Variants in TMEM45B observed in about 807,000 individuals in gnomAD.
TMEM45B encodes the protein transmembrane protein 45B.
A neutral mutation model predicts 27.3 loss-of-function variants in TMEM45B; 29 were observed. The ratio of observed to expected loss-of-function variants is 1.06; its 90% CI spans 0.79 to 1.45. The LOEUF (loss-of-function observed/expected upper bound fraction) is 1.45. Ranked by LOEUF, TMEM45B falls within the 40% of genes most tolerant of loss-of-function variation. The probability of loss-of-function intolerance (pLI) is 0.00; values close to 1 mark genes in which losing one functional copy is unlikely to be tolerated. For synonymous variants in TMEM45B, 143 were observed against 134.7 expected (o/e 1.06, Z -0.43); for missense variants, 348 against 343.9 (o/e 1.01, Z -0.09).
rs11221883 is a variant in TMEM45B, at chr11:129,856,849, G to C, written c.571-464G>C. Among the ~76,000 whole-genome samples the C allele has an allele frequency of 6.5e-5, 9 of 138,740 alleles. No homozygotes were observed. In the East Asian group the frequency reaches 1.8e-3, roughly 28 times the overall value. The allele number at this position is 138,740 out of a possible 152,430, so 91.0% of individuals were successfully genotyped here. On this transcript the variant is annotated intron_variant, in intron 4 of 5. Transcript: ENST00000281441. The stretch of plus-strand genomic sequence containing the variant: ...GCTAGGATTACAGGCATGAGCCACC[G>C]CGCCCGGCTTTTTTTTTTTTTTTAA...
In TMEM45B at chr11:129,815,923, G is replaced by T. The variant is rs910879562; in HGVS notation, c.-9+25G>T. On this transcript the variant is annotated intron_variant, in intron 1 of 5. Transcript: ENST00000281441. Reference sequence around the variant, plus strand: ...GGTCAGACGTCCGTACCCGCAGGGGGCTCGAACCTGGAGGAGGGCTCGAAG... The same window carrying T: ...GGTCAGACGTCCGTACCCGCAGGGGTCTCGAACCTGGAGGAGGGCTCGAAG... 7 of 1,270,690 alleles carry T rather than the reference G, an allele frequency of 5.5e-6. No individual in the cohort carries two copies. The East Asian group carries it at 1.6e-4, about 29-fold the overall frequency. The allele number at this position is 1,270,690 out of a possible 1,614,324, so 78.7% of individuals were successfully genotyped here.
At chr11:129,822,915 A>G (rs1253110382) in intron 1 of TMEM45B, among the ~76,000 whole-genome samples, 1 of 145,796 alleles carries the variant, frequency 6.9e-6, no homozygotes, top group Non-Finnish European at 1.5e-5. Flanking sequence ...ATCTCAGCTC[A>G]CTGCAAGCTC....
Position 129,855,727 on chromosome 11 carries a change from C to G in TMEM45B, c.405C>G (p.His135Gln). 1 of 1,614,154 alleles carries G rather than the reference C, an allele frequency of 6.2e-7. No homozygotes were observed. ...TGGCAGGTTTCCTCTTCTACTACCA[C>G]GTCCACAACCGGCCTCCGCTGGACC... ...VFMEGFLFYY[H>Q]VHNRPPLDQH... The change falls in exon 4 of 6, where the codon CAC becomes CAG. Residue 135 changes from histidine (H) to glutamine (Q), a missense_variant. By Grantham distance (24) the His-to-Gln change is conservative. Transcript: ENST00000281441.
intron 1 of TMEM45B, among the ~76,000 whole-genome samples, chr11:129,827,499 A>G (rs934108741): frequency 2.0e-5 from 3 of 151,862 alleles, no homozygotes; most frequent in African/African-American, 7.3e-5. Context: ...CACGGAAAAC[A>G]TGCATTAAAC....
chr11:129,851,035 G>A lies in TMEM45B; in HGVS notation c.-8-1440G>A, dbSNP rs117365882. On this transcript the variant is annotated intron_variant, in intron 1 of 5. Coordinates refer to ENST00000281441, the MANE Select transcript of TMEM45B (RefSeq NM_138788.5). ...TGATATCACACAATACGCAGACTGG[G>A]TAATTTATAAAGAACAACAATTTAT... 7.2e-5 allele frequency among the ~76,000 whole-genome samples: 11 copies of A among 152,340 alleles called. 1 individual carries two copies. The East Asian group carries it at 1.9e-3, about 27-fold the overall frequency.
intron 1 of TMEM45B, among the ~76,000 whole-genome samples, chr11:129,850,154 T>TG (rs55842028): frequency 0.16 from 24,824 of 151,952 alleles, 2,151 homozygotes; most frequent in South Asian, 0.28. Context: ...CTCACGTTTT[T>TG]TTTTTTGTTG....
rs368116744 is a variant in TMEM45B, at chr11:129,858,706, G to T, written c.*21G>T. ...AATGAGCCGAGATGCGGAGGGCGCA[G>T]ATGTCCCACTGCACAGCTGGAATGA... On this transcript the variant is annotated 3_prime_UTR_variant, in exon 6 of 6. Coordinates refer to ENST00000281441, the MANE Select transcript of TMEM45B (RefSeq NM_138788.5). The T allele has an allele frequency of 4.6e-6, 7 of 1,509,826 alleles. No individual in the cohort carries two copies. Among genetic ancestry groups the T allele is most frequent in the South Asian group, 1.2e-5 (1 of 83,086 alleles). 93.5% of individuals were successfully genotyped at this position (1,509,826 alleles called of 1,614,324 possible).
intron 1 of TMEM45B, among the ~76,000 whole-genome samples, chr11:129,832,442 G>A (rs1266098762): frequency 6.6e-6 from 1 of 152,126 alleles, no homozygotes; most frequent in Non-Finnish European, 1.5e-5. Flanking sequence ...ATTATGCTGA[G>A]GGAAAGAGGC....
Position 129,854,771 on chromosome 11 carries a change from T to C in TMEM45B, c.340T>C (p.Leu114=). ...CACCTATCTGGTCAGCCACGTTCCC[T>C]TGGGGGTGGACAGACTGGTTATGGC... ...MLTYLVSHVP[L]GVDRLVMAVA... is the part of the protein sequence containing the mutation. Residue 114 remains leucine, a synonymous_variant, in exon 3 of 6, where the codon TTG becomes CTG. Transcript: ENST00000281441. 3 of 1,614,202 alleles carry C rather than the reference T, an allele frequency of 1.9e-6. No homozygotes were observed. The highest frequency in any genetic ancestry group is 2.5e-6 in the Non-Finnish European group (3 of 1,180,046).
chr11:129,850,093 C>T (rs1947824883), intron 1 of TMEM45B, among the ~76,000 whole-genome samples: 1 of 151,932 alleles, frequency 6.6e-6, no homozygotes, highest in Non-Finnish European at 1.5e-5. Flanking sequence ...AGATATTGAC[C>T]TTTAGCTTTC....
chr11:129,838,945 A>G (rs550454310), intron 1 of TMEM45B, among the ~76,000 whole-genome samples: 4 of 152,284 alleles, frequency 2.6e-5, no homozygotes, highest in East Asian at 3.9e-4. Context: ...ACTTTTAACT[A>G]CAGCCAAATG....
intron 1 of TMEM45B, among the ~76,000 whole-genome samples, chr11:129,838,234 G>A (rs1947648349): frequency 6.6e-6 from 1 of 152,066 alleles, no homozygotes; most frequent in Admixed American, 6.5e-5. Flanking sequence ...TCACAGCCTC[G>A]ACATTGCTGA....
chr11:129,821,649 G>T lies in TMEM45B; in HGVS notation c.-9+5751G>T, dbSNP rs559795583. 3.3e-5 allele frequency among the ~76,000 whole-genome samples: 5 copies of T among 152,230 alleles called. No individual in the cohort carries two copies. In the South Asian group the frequency reaches 1.0e-3, roughly 32 times the overall value. The stretch of plus-strand genomic sequence containing the variant: ...TGCTTGCTGGTTTGGCTGGGTATGG[G>T]ATATTAATCAGAAATCATTTCCCGT... On this transcript the variant is annotated intron_variant, in intron 1 of 5. Coordinates refer to ENST00000281441, the MANE Select transcript of TMEM45B (RefSeq NM_138788.5).
intron 1 of TMEM45B, among the ~76,000 whole-genome samples, chr11:129,837,777 C>CTT (rs1159669879): frequency 0.01 from 722 of 69,012 alleles, 10 homozygotes; most frequent in Middle Eastern, 0.042. Flanking sequence ...AGGCTAGTTT[C>CTT]TTTTTTTTTT....
At chr11:129,825,097 C>T (rs1198751318) in intron 1 of TMEM45B, among the ~76,000 whole-genome samples, 2 of 152,014 alleles carry the variant, frequency 1.3e-5, no homozygotes, top group East Asian at 1.9e-4. Flanking sequence ...CAGATGTACA[C>T]GGAAGGTGGA....
intron 1 of TMEM45B, among the ~76,000 whole-genome samples, chr11:129,837,115 T>C (rs1172516775): frequency 6.6e-6 from 1 of 151,980 alleles, no homozygotes; most frequent in Non-Finnish European, 1.5e-5. Flanking sequence ...CAAAGCCCTT[T>C]AGTCCTGAAG....
chr11:129,837,289 T>G (rs905715472), intron 1 of TMEM45B, among the ~76,000 whole-genome samples: 4 of 151,956 alleles, frequency 2.6e-5, no homozygotes, highest in South Asian at 2.1e-4. Flanking sequence ...TTCTTTTTTT[T>G]CTTTTTTTTG....
At chr11:129,825,835 C>T (rs1947471185) in intron 1 of TMEM45B, among the ~76,000 whole-genome samples, 6 of 152,184 alleles carry the variant, frequency 3.9e-5, no homozygotes, top group Admixed American at 3.9e-4. Context: ...AGTGGCCTGG[C>T]ATCTTGGAAA....
chr11:129,858,259 T>C (rs1486969774), intron 5 of TMEM45B, among the ~76,000 whole-genome samples: 1 of 152,186 alleles, frequency 6.6e-6, no homozygotes, highest in Non-Finnish European at 1.5e-5. Context: ...CATTATTTCA[T>C]CCAGAAAGAG....
Sources: gnomAD v4.1 joint callset for allele counts (sites outside exome capture counted in the v4.1 genomes callset) on GRCh38, gnomAD v4.1.1 for gene constraint, MANE v1.5 for transcripts, NCBI Gene and HGNC (gene_info 2026-07-23, HGNC 2026-07-21) for gene names.